The following MYOCD variants were observed in gnomAD, a reference collection of about 807,000 sequenced individuals.
MYOCD encodes myocardin.
MYOCD carries 32 observed loss-of-function variants against 96.1 expected under a neutral mutation model. The ratio of observed to expected loss-of-function variants is 0.33; its 90% confidence interval spans 0.25 to 0.45. The LOEUF (loss-of-function observed/expected upper bound fraction) is 0.45, where lower values mean the gene tolerates loss of function less well. MYOCD is among the 20% of genes least tolerant of loss of function. MYOCD has a pLI of 1.00. For missense variants in MYOCD, 1,133 were observed against 1,200.6 expected, an observed-to-expected ratio of 0.94 and a Z score of 0.83; for synonymous variants, 469 against 469.0, an observed-to-expected ratio of 1.00 and a Z score of 0.00.
intron 4 of MYOCD, among the ~76,000 whole-genome samples, chr17:12,722,408 C>G (rs1001051202): frequency 1.3e-5 from 2 of 152,186 alleles, no homozygotes; most frequent in Non-Finnish European, 2.9e-5. Flanking sequence ...TCGGTCACAG[C>G]ATTGACTAGT....
intron 5 of MYOCD, among the ~76,000 whole-genome samples, chr17:12,733,053 A>G (rs9896296): frequency 0.55 from 84,011 of 151,954 alleles, 23,272 homozygotes; most frequent in East Asian, 0.7. Flanking sequence ...GCTCACGCCT[A>G]TAATCCCAGC....
At chr17:12,709,857 CT>C (rs2031427726) in intron 2 of MYOCD, among the ~76,000 whole-genome samples, 3 of 152,148 alleles carry the variant, frequency 2.0e-5, no homozygotes, top group African/African-American at 7.2e-5. Context: ...TCCTGCAATT[CT>C]TCTCCCTGGG....
At chr17:12,757,608 C>T (rs971295429) in intron 11 of MYOCD, among the ~76,000 whole-genome samples, 3 of 152,062 alleles carry the variant, frequency 2.0e-5, no homozygotes, top group South Asian at 2.1e-4. Context: ...GCGATTCTTC[C>T]GCCTCAGCCT....
rs55758881 is a variant in MYOCD at position 12,698,729 on chromosome 17, CTTTTTTTTT to C, written c.56-6378_56-6370del. On this transcript the variant is annotated intron_variant, in intron 1 of 13. Coordinates refer to ENST00000425538, the MANE Select transcript of MYOCD (RefSeq NM_001146312.3). ...GAAATTTTGTCTCCTACCAGACCCT[CTTTTTTTTT>C]TTTTTTTTTTTTTTTTTTTTGTGAG... is the stretch of plus-strand genomic sequence containing the variant. 1.7e-3 allele frequency among the ~76,000 whole-genome samples: 106 copies of C among 64,136 alleles called. No homozygotes were observed. The South Asian group carries it at 0.017, about 10-fold the overall frequency. The allele number at this position is 64,136 out of a possible 152,430, so 42.1% of individuals were successfully genotyped here.
In MYOCD at chr17:12,722,987, G is replaced by T; in HGVS notation, c.394G>T (p.Ala132Ser). 1 of 1,613,874 alleles carries T rather than the reference G, an allele frequency of 6.2e-7. No homozygotes were observed. The highest frequency in any genetic ancestry group is 8.5e-7 in the Non-Finnish European group (1 of 1,179,878). Residue 132 changes from alanine (A) to serine (S), a missense_variant, in exon 5 of 14, where the codon GCT (alanine) becomes TCT (serine). Ala to Ser is a moderately conservative substitution (Grantham distance 99, BLOSUM62 1). Coordinates refer to ENST00000425538, the MANE Select transcript of MYOCD (RefSeq NM_001146312.3). ...VEKNILPVDS[A>S]VKEAIKGNQV... ...AAAAAACATTCTTCCTGTGGATTCTGCTGTGAAAGAGGCCATAAAAGGTAG... is the reference window on the plus strand; with the variant it reads ...AAAAAACATTCTTCCTGTGGATTCTTCTGTGAAAGAGGCCATAAAAGGTAG...
chr17:12,762,933 G>A (rs942244974), intron 13 of MYOCD, 140 bp from the exon 14 acceptor site: 43 of 654,014 alleles, frequency 6.6e-5, no homozygotes, highest in Admixed American at 1.8e-4. Flanking sequence ...GATTGATAGA[G>A]CAGCTTAGAG....
At chr17:12,689,569 C>G (rs936168447) in intron 1 of MYOCD, among the ~76,000 whole-genome samples, 1 of 152,194 alleles carries the variant, frequency 6.6e-6, no homozygotes, top group Non-Finnish European at 1.5e-5. Context: ...CAGTGGGTCA[C>G]ACCTGTAATC....
intron 1 of MYOCD, among the ~76,000 whole-genome samples, chr17:12,704,351 G>GT (rs1410110482): frequency 2.6e-5 from 4 of 152,042 alleles, no homozygotes; most frequent in Non-Finnish European, 1.5e-5. Context: ...GCCCTCAGAA[G>GT]TTAATAATTC....
At chr17:12,752,353 GA>G in intron 9 of MYOCD, 60 bp from the exon 10 acceptor site, 1 of 1,396,776 alleles carries the variant, frequency 7.2e-7, no homozygotes, top group Non-Finnish European at 9.8e-7. Flanking sequence ...ATTGTATAAT[GA>G]ATACACTTTT....
chr17:12,704,204 G>A (rs1465397192), intron 1 of MYOCD, among the ~76,000 whole-genome samples: 2 of 152,074 alleles, frequency 1.3e-5, no homozygotes, highest in South Asian at 2.1e-4. Flanking sequence ...ATTAATCCAA[G>A]TGGATTCAAG....
rs1818714810 is a variant in MYOCD, at chr17:12,763,778, T to C, written c.*134T>C. On this transcript the variant is annotated 3_prime_UTR_variant, in exon 14 of 14. Coordinates refer to ENST00000425538, the MANE Select transcript of MYOCD (RefSeq NM_001146312.3). Reference sequence around the variant, plus strand: ...AAAGAAGCAATGATTTCTGTGCCAATGAACAAGAACAAAAGTCATTTTTAG... The same window carrying C: ...AAAGAAGCAATGATTTCTGTGCCAACGAACAAGAACAAAAGTCATTTTTAG... The C allele has an allele frequency of 2.4e-6, 2 of 821,054 alleles. No individual in the cohort carries two copies. The highest frequency in any genetic ancestry group is 4.2e-5 in the South Asian group (2 of 47,192). 50.9% of individuals were successfully genotyped at this position (821,054 alleles called of 1,614,324 possible). A position where few individuals can be genotyped will look rare whatever the true frequency, so the allele number is the denominator to read the frequency against.
intron 5 of MYOCD, among the ~76,000 whole-genome samples, chr17:12,726,757 T>C (rs1482804903): frequency 6.6e-6 from 1 of 152,222 alleles, no homozygotes; most frequent in Admixed American, 6.5e-5. Flanking sequence ...CCTTTTCATA[T>C]TTTTTCATGT....
At chr17:12,708,962 C>A (rs1014574) in intron 2 of MYOCD, among the ~76,000 whole-genome samples, 74,359 of 151,978 alleles carry the variant, frequency 0.49, 19,880 homozygotes, top group African/African-American at 0.71. Flanking sequence ...TAGAAAATTT[C>A]AAAAGTGTGT....
intron 3 of MYOCD, among the ~76,000 whole-genome samples, chr17:12,715,987 T>C (rs2031628450): frequency 1.3e-5 from 2 of 152,190 alleles, no homozygotes; most frequent in Admixed American, 1.3e-4. Context: ...CAGAACTCAT[T>C]TGTAGCTACT....
chr17:12,693,298 A>AAAAC lies in MYOCD; in HGVS notation c.56-11814_56-11811dup, dbSNP rs200407766. Among the ~76,000 whole-genome samples, 7 of 152,118 alleles carry AAAAC rather than the reference A, an allele frequency of 4.6e-5. No individual in the cohort carries two copies. In the East Asian group the frequency reaches 5.8e-4, roughly 13 times the overall value. On this transcript the variant is annotated intron_variant, in intron 1 of 13. Transcript: ENST00000425538. ...TGTCGTGGGACATTTATGTTTTTTT[A>AAAAC]AAACAAACAAACAAACAAAAAAAAC...
chr17:12,725,033 C>CT (rs769623375), intron 5 of MYOCD, among the ~76,000 whole-genome samples: 272 of 151,814 alleles, frequency 1.8e-3, no homozygotes, highest in Non-Finnish European at 2.8e-3. Flanking sequence ...TTATTCAAGT[C>CT]TTTTTTTTAT....
intron 5 of MYOCD, among the ~76,000 whole-genome samples, chr17:12,724,414 C>T (rs1453644439): frequency 1.3e-5 from 2 of 152,262 alleles, no homozygotes; most frequent in East Asian, 3.9e-4. Context: ...CATGTTCTCG[C>T]TTTACTGCTT....
intron 2 of MYOCD, among the ~76,000 whole-genome samples, chr17:12,708,105 T>A (rs1597764811): frequency 6.6e-6 from 1 of 152,068 alleles, no homozygotes; most frequent in Non-Finnish European, 1.5e-5. Flanking sequence ...CAGAATAGAG[T>A]TTGAAAACCC....
chr17:12,737,236 CA>C (rs1268351752), intron 6 of MYOCD, among the ~76,000 whole-genome samples: 3 of 151,826 alleles, frequency 2.0e-5, no homozygotes, highest in Admixed American at 6.6e-5. Context: ...GCCTGGGCAA[CA>C]AGATTGAAAC....
Sources: gnomAD v4.1 joint callset for allele counts (sites outside exome capture counted in the v4.1 genomes callset) on GRCh38, gnomAD v4.1.1 for gene constraint, MANE v1.5 for transcripts, NCBI Gene and HGNC (gene_info 2026-07-23, HGNC 2026-07-21) for gene names.